The following CS variants were observed in gnomAD, a reference collection of about 807,000 sequenced individuals.
CS encodes citrate synthase, also known as citrate synthase, mitochondrial.
CS carries 13 observed loss-of-function variants against 61.4 expected under a neutral mutation model. That is an observed-to-expected ratio of 0.21 (90% CI 0.14 to 0.34). The LOEUF is 0.34. CS is among the 10% of genes least tolerant of loss of function. CS has a pLI of 1.00. For missense variants in CS, 278 were observed against 573.4 expected (o/e 0.48, Z 5.26); for synonymous variants, 159 against 215.2 (o/e 0.74, Z 2.29).
At chr12:56,282,166 A>C (rs192518017) in intron 6 of CS, among the ~76,000 whole-genome samples, 39 of 152,280 alleles carry the variant, frequency 2.6e-4, no homozygotes, top group Middle Eastern at 3.4e-3. Flanking sequence ...CGACTATGGA[A>C]TTTTAATAAT....
chr12:56,290,847 C>A (rs1873099369), intron 1 of CS, among the ~76,000 whole-genome samples: 1 of 152,090 alleles, frequency 6.6e-6, no homozygotes, highest in Non-Finnish European at 1.5e-5. Flanking sequence ...GAGTCTGATT[C>A]TCAGGTTCCA....
intron 10 of CS, 28 bp downstream of exon 10, chr12:56,273,559 G>C: frequency 6.2e-7 from 1 of 1,603,910 alleles, no homozygotes; most frequent in African/African-American, 1.3e-5. Context: ...GTACAAATTA[G>C]AGGGAAAAGA....
At chr12:56,293,374 T>C (rs1241006822) in intron 1 of CS, among the ~76,000 whole-genome samples, 1 of 152,114 alleles carries the variant, frequency 6.6e-6, no homozygotes, top group East Asian at 1.9e-4. Context: ...AATCCCAGCA[T>C]TTCTGAATTA....
In CS at chr12:56,273,811, G is replaced by GA; in HGVS notation, c.1021-16dup. On this transcript the variant is annotated splice_polypyrimidine_tract_variant and intron_variant, in intron 9 of 10. Transcript: ENST00000351328. Reference sequence around the variant, plus strand: ...CCTGGAACAACCTGTAAAGAGTGAGGAAAAAAGATAGTATTCTCAGTAGAA... The same window carrying GA: ...CCTGGAACAACCTGTAAAGAGTGAGGAAAAAAAGATAGTATTCTCAGTAGAA... 2.5e-6 allele frequency: 4 copies of GA among 1,592,902 alleles called. No homozygotes were observed. Among genetic ancestry groups the GA allele is most frequent in the Non-Finnish European group, 3.4e-6 (4 of 1,162,060 alleles).
At chr12:56,277,202 TAA>T (rs5798367) in intron 6 of CS, among the ~76,000 whole-genome samples, 320 of 138,516 alleles carry the variant, frequency 2.3e-3, no homozygotes, top group East Asian at 5.2e-3. Context: ...AGACTCTGTC[TAA>T]AAAAAAAAAA....
In CS at chr12:56,275,402, G is replaced by A. The variant is rs568698462; in HGVS notation, c.789-271C>T. The stretch of plus-strand genomic sequence containing the variant: ...ATCCTGGCCAACATGGTGAAACCCC[G>A]TCTCTGCTAAAAATACAAAAATTAG... On this transcript the variant is annotated intron_variant, in intron 7 of 10. Coordinates refer to ENST00000351328, the MANE Select transcript of CS (RefSeq NM_004077.3). The A allele has an allele frequency of 2.9e-5, 10 of 350,160 alleles. No individual in the cohort carries two copies. In the East Asian group the frequency reaches 4.0e-4, roughly 14 times the overall value. 21.7% of individuals were successfully genotyped at this position (350,160 alleles called of 1,614,324 possible).
rs542411832 is a variant in CS, at chr12:56,274,677, A to T, written c.1020+100T>A. 31 of 933,230 alleles carry T rather than the reference A, an allele frequency of 3.3e-5. No individual in the cohort carries two copies. The African/African-American group carries it at 5.1e-4, about 15-fold the overall frequency. The allele number at this position is 933,230 out of a possible 1,614,324, so 57.8% of individuals were successfully genotyped here. ...AAGGTAGATAAATGAAGAAAAAAAA[A>T]TCTCTAATTTAGGGACCTCTTTCAT... On this transcript the variant is annotated intron_variant, in intron 9 of 10. Coordinates refer to ENST00000351328, the MANE Select transcript of CS (RefSeq NM_004077.3).
intron 1 of CS, among the ~76,000 whole-genome samples, chr12:56,293,989 G>A (rs1873216477): frequency 6.6e-6 from 1 of 152,208 alleles, no homozygotes; most frequent in Non-Finnish European, 1.5e-5. Flanking sequence ...AACCAGGTCA[G>A]AGAACTAAAG....
chr12:56,298,339 T>C (rs1418889662), intron 1 of CS, among the ~76,000 whole-genome samples: 1 of 152,124 alleles, frequency 6.6e-6, no homozygotes, highest in African/African-American at 2.4e-5. Context: ...TTTCAACTGA[T>C]AGGTGACTAG....
At chr12:56,297,471 CAT>C (rs1450458826) in intron 1 of CS, among the ~76,000 whole-genome samples, 1 of 152,164 alleles carries the variant, frequency 6.6e-6, no homozygotes, top group Admixed American at 6.6e-5. Flanking sequence ...GACTAATTCA[CAT>C]GTTGTCTCCT....
At chr12:56,299,404 G>A (rs1263222828) in intron 1 of CS, among the ~76,000 whole-genome samples, 1 of 152,234 alleles carries the variant, frequency 6.6e-6, no homozygotes, top group Non-Finnish European at 1.5e-5. Flanking sequence ...ACCTGGGTAA[G>A]CAAGTAGTAT....
chr12:56,278,972 G>T (rs760789170), intron 6 of CS, among the ~76,000 whole-genome samples: 1 of 151,782 alleles, frequency 6.6e-6, no homozygotes, highest in East Asian at 2.0e-4. Flanking sequence ...ATGGGGTTTC[G>T]CCATGTTGGC....
rs575942993 is a variant in CS, at chr12:56,274,778, C to T, written c.1019G>A (p.Arg340Gln). The change falls in exon 9 of 11, where the codon CGG becomes CAG. Residue 340 changes from arginine to glutamine, a missense_variant and splice_region_variant. By Grantham distance (43) the Arg-to-Gln change is conservative. Transcript: ENST00000351328. ...TAGTCGTTAAGCATCTCTGCTTACC[C>T]GTCCTGAGTTGAGTGTGTTCCAGAT... ...DYIWNTLNSG[R>Q]VVPGYGHAVL... 104 of 1,572,942 alleles carry T rather than the reference C, an allele frequency of 6.6e-5. 1 individual carries two copies. Among genetic ancestry groups the T allele is most frequent in the South Asian group, 6.5e-4 (55 of 84,364 alleles).
intron 1 of CS, among the ~76,000 whole-genome samples, chr12:56,288,691 C>T (rs548301696): frequency 6.6e-6 from 1 of 152,050 alleles, no homozygotes; most frequent in East Asian, 1.9e-4. Flanking sequence ...CTCTTTCCCC[C>T]AGGCTGGAGT....
At chr12:56,288,512 T>C (rs1873014538) in intron 1 of CS, among the ~76,000 whole-genome samples, 1 of 151,694 alleles carries the variant, frequency 6.6e-6, no homozygotes. Flanking sequence ...ATTTTTGTAT[T>C]TTCAGTAGAG....
intron 1 of CS, among the ~76,000 whole-genome samples, chr12:56,299,021 G>C (rs966124575): frequency 6.6e-6 from 1 of 150,552 alleles, no homozygotes; most frequent in African/African-American, 2.4e-5. Flanking sequence ...CAGCTTGAGT[G>C]ACAGAGCAAT....
At chr12:56,274,580 C>T (rs536432316) in intron 9 of CS, 197 bp downstream of exon 9, 96 of 502,772 alleles carry the variant, frequency 1.9e-4, no homozygotes, top group Non-Finnish European at 3.2e-4. Flanking sequence ...CCTCTTGCCT[C>T]AGCCTCCCAA....
At chr12:56,280,724 T>C (rs1194947822) in intron 6 of CS, among the ~76,000 whole-genome samples, 2 of 151,922 alleles carry the variant, frequency 1.3e-5, no homozygotes, top group Non-Finnish European at 2.9e-5. Context: ...AAAAAATAAA[T>C]AAATAAATAA....
intron 1 of CS, among the ~76,000 whole-genome samples, chr12:56,289,369 C>G (rs1454098469): frequency 6.6e-6 from 1 of 152,124 alleles, no homozygotes; most frequent in Non-Finnish European, 1.5e-5. Flanking sequence ...GTCCCAGAGA[C>G]TACATCAGCC....
Sources: gnomAD v4.1 joint callset for allele counts (sites outside exome capture counted in the v4.1 genomes callset) on GRCh38, gnomAD v4.1.1 for gene constraint, MANE v1.5 for transcripts, NCBI Gene and HGNC (gene_info 2026-07-23, HGNC 2026-07-21) for gene names.